The following ARHGAP8 variants were observed in gnomAD, a reference collection of about 807,000 sequenced individuals.
ARHGAP8 encodes Rho GTPase activating protein 8, also known as rho GTPase-activating protein 8.
ARHGAP8 carries 62 observed loss-of-function variants against 46.1 expected under a neutral mutation model. The observed-to-expected ratio is 1.34, with a 90% CI of 1.10 to 1.66. ARHGAP8 has a LOEUF of 1.66. Ranked by LOEUF, ARHGAP8 falls within the 40% of genes most tolerant of loss-of-function variation. The probability of loss-of-function intolerance (pLI) is 0.00; values close to 1 mark genes in which losing one functional copy is unlikely to be tolerated. For missense variants in ARHGAP8, 923 were observed against 568.4 expected (o/e 1.62, Z -6.34); for synonymous variants, 375 against 243.1 (o/e 1.54, Z -5.05).
At chr22:44,860,662 CAG>C (rs72140861) in intron 11 of ARHGAP8, among the ~76,000 whole-genome samples, 9,288 of 152,136 alleles carry the variant, frequency 0.061, 392 homozygotes, top group Non-Finnish European at 0.095. Context: ...AGCAAATGAC[CAG>C]AGAGAGAGAA....
chr22:44,755,984 G>A (rs1049536674), intron 1 of ARHGAP8, among the ~76,000 whole-genome samples: 3 of 152,186 alleles, frequency 2.0e-5, no homozygotes, highest in East Asian at 1.9e-4. Flanking sequence ...CATGAGAAGC[G>A]CAGGTGTTCC....
At chr22:44,789,850 T>C (rs528769821) in intron 2 of ARHGAP8, among the ~76,000 whole-genome samples, 1 of 152,314 alleles carries the variant, frequency 6.6e-6, no homozygotes, top group South Asian at 2.1e-4. Flanking sequence ...GTCCGATTTT[T>C]CTGATACTAA....
intron 8 of ARHGAP8, among the ~76,000 whole-genome samples, chr22:44,846,365 C>G (rs1383024054): frequency 6.6e-6 from 1 of 152,236 alleles, no homozygotes; most frequent in Non-Finnish European, 1.5e-5. Context: ...GCCTGGAGAG[C>G]CCCTCCTCAC....
intron 3 of ARHGAP8, among the ~76,000 whole-genome samples, chr22:44,805,605 G>A (rs1472809634): frequency 2.0e-5 from 3 of 152,208 alleles, no homozygotes; most frequent in Non-Finnish European, 4.4e-5. Flanking sequence ...CACAGCACAA[G>A]GCTAACCAGA....
intron 7 of ARHGAP8, among the ~76,000 whole-genome samples, chr22:44,835,878 G>T (rs1544278): frequency 0.18 from 27,374 of 151,920 alleles, 2,571 homozygotes; most frequent in South Asian, 0.22. Flanking sequence ...TTTCCTGTGT[G>T]CGTAGGATAT....
At chr22:44,812,745 C>G (rs1404437578) in intron 4 of ARHGAP8, among the ~76,000 whole-genome samples, 1 of 152,102 alleles carries the variant, frequency 6.6e-6, no homozygotes, top group African/African-American at 2.4e-5. Context: ...AAATACTTTT[C>G]ACTTTCATTG....
At chr22:44,818,425 G>A (rs1337455442) in intron 5 of ARHGAP8, among the ~76,000 whole-genome samples, 2 of 145,282 alleles carry the variant, frequency 1.4e-5, no homozygotes, top group South Asian at 2.2e-4. Flanking sequence ...CTCCAGCCTG[G>A]GCAACAAGAG....
intron 2 of ARHGAP8, chr22:44,801,812 A>T (rs1356934161): frequency 3.9e-6 from 2 of 517,030 alleles, no homozygotes; most frequent in Non-Finnish European, 7.0e-6. Flanking sequence ...TGCACTGATG[A>T]CTTAACCCTG....
intron 5 of ARHGAP8, among the ~76,000 whole-genome samples, chr22:44,819,781 C>T (rs966989667): frequency 6.6e-6 from 1 of 152,242 alleles, no homozygotes; most frequent in Non-Finnish European, 1.5e-5. Flanking sequence ...GTGAAGTCAG[C>T]CACATTTTCC....
At position 44,822,360 on chromosome 22, in the gene ARHGAP8, T is replaced by C; in HGVS notation, c.387-11T>C. On this transcript the variant is annotated splice_polypyrimidine_tract_variant and intron_variant, in intron 5 of 11. Coordinates refer to ENST00000356099, the MANE Select transcript of ARHGAP8 (RefSeq NM_181335.3). ...TAATCGTTCTTTATTCTCTTGCTTC[T>C]GCTTTCTTAGTCACAAGTTTGGGAA... 6.3e-7 allele frequency: 1 copy of C among 1,578,898 alleles called. No homozygotes were observed. Among genetic ancestry groups the C allele is most frequent in the Admixed American group, 1.9e-5 (1 of 52,284 alleles).
chr22:44,786,813 G>A (rs546140941), intron 2 of ARHGAP8, among the ~76,000 whole-genome samples: 6 of 152,126 alleles, frequency 3.9e-5, no homozygotes, highest in East Asian at 1.9e-4. Context: ...CCACGAATTC[G>A]AGACCAGCCT....
intron 5 of ARHGAP8, among the ~76,000 whole-genome samples, chr22:44,820,679 C>T (rs1435786414): frequency 6.6e-6 from 1 of 152,214 alleles, no homozygotes; most frequent in Non-Finnish European, 1.5e-5. Context: ...GGCTATTCTG[C>T]AGCCCCAGCC....
chr22:44,814,101 C>G (rs956879961), intron 4 of ARHGAP8, among the ~76,000 whole-genome samples: 1 of 152,218 alleles, frequency 6.6e-6, no homozygotes, highest in Non-Finnish European at 1.5e-5. Flanking sequence ...CTTCCCCAAC[C>G]TGATGGCTTT....
At chr22:44,850,796 C>G (rs1024475197) in intron 10 of ARHGAP8, 1 of 152,002 alleles carries the variant, frequency 6.6e-6, no homozygotes, top group South Asian at 2.1e-4. Flanking sequence ...AAAACCCTGT[C>G]TCTACTAAAA....
chr22:44,831,635 G>C (rs1283320280), intron 7 of ARHGAP8, among the ~76,000 whole-genome samples: 1 of 152,166 alleles, frequency 6.6e-6, no homozygotes, highest in Non-Finnish European at 1.5e-5. Context: ...GGAGGCGGAG[G>C]TTGCAGTGAG....
At chr22:44,859,165 A>C (rs1396313193) in intron 10 of ARHGAP8, among the ~76,000 whole-genome samples, 1 of 152,116 alleles carries the variant, frequency 6.6e-6, no homozygotes, top group Non-Finnish European at 1.5e-5. Context: ...AGAGGGATGG[A>C]GCTTGTAGAA....
intron 7 of ARHGAP8, among the ~76,000 whole-genome samples, chr22:44,835,779 C>G (rs739120): frequency 0.47 from 71,423 of 151,846 alleles, 17,067 homozygotes; most frequent in East Asian, 0.74. Flanking sequence ...TTTAGTTTCT[C>G]CTTATCTCCC....
chr22:44,780,921 C>G (rs1215873012), intron 1 of ARHGAP8, among the ~76,000 whole-genome samples: 1 of 152,142 alleles, frequency 6.6e-6, no homozygotes, highest in Non-Finnish European at 1.5e-5. Context: ...GAAAAATAAA[C>G]TGAGGCTCAG....
At chr22:44,791,109 T>G (rs909422010) in intron 2 of ARHGAP8, among the ~76,000 whole-genome samples, 3 of 152,030 alleles carry the variant, frequency 2.0e-5, no homozygotes, top group African/African-American at 7.2e-5. Flanking sequence ...ACCTTCCAGA[T>G]TATTCATCCT....
Sources: gnomAD v4.1 joint callset for allele counts (sites outside exome capture counted in the v4.1 genomes callset) on GRCh38, gnomAD v4.1.1 for gene constraint, MANE v1.5 for transcripts, NCBI Gene and HGNC (gene_info 2026-07-23, HGNC 2026-07-21) for gene names.